KANK3: variants seen among roughly 807,000 people sequenced by gnomAD.
The protein encoded by KANK3 is KN motif and ankyrin repeat domains 3.
KANK3 carries 61 observed loss-of-function variants against 65.4 expected under a neutral mutation model. The observed-to-expected ratio is 0.93, with a 90% CI of 0.76 to 1.15. The LOEUF is 1.15. Ranked by LOEUF, KANK3 falls within the 50% of genes most tolerant of loss-of-function variation. The pLI is 0.00. For missense variants in KANK3, 1,187 were observed against 1,178.8 expected (o/e 1.01, Z -0.10); for synonymous variants, 586 against 543.3 (o/e 1.08, Z -1.09).
chr19:8,334,907 G>A lies in KANK3; in HGVS notation c.920C>T (p.Ala307Val). 6.9e-7 allele frequency: 1 copy of A among 1,459,768 alleles called. No individual in the cohort carries two copies. Among genetic ancestry groups the A allele is most frequent in the Middle Eastern group, 2.3e-4 (1 of 4,304 alleles). The allele number at this position is 1,459,768 out of a possible 1,614,324, so 90.4% of individuals were successfully genotyped here. ...TPQTREVAAEAVPETREAGAQ... is the reference protein window; with the variant it reads ...TPQTREVAAEVVPETREAGAQ... The stretch of plus-strand genomic sequence containing the variant: ...ACCCGCTTCTCGGGTCTCGGGCACG[G>A]CCTCGGCGGCCACCTCCCGGGTCTG... The change falls in exon 3 of 11, where the codon GCC becomes GTC. Residue 307 changes from alanine (A) to valine (V), a missense_variant. Transcript: ENST00000330915.
At position 8,333,856 on chromosome 19, in the gene KANK3, G is replaced by C. The variant is rs1424925714; in HGVS notation, c.1635-48C>G. On this transcript the variant is annotated intron_variant, in intron 5 of 10. Transcript: ENST00000330915. The surrounding 1 kb of genome is among the most constrained non-coding windows in gnomAD (Gnocchi z 5.0). ...CTCAGGATGGATCGGGGACAGCGCC[G>C]ACCAGGAGGAGGGCAGCCGCCTCCT... is the stretch of plus-strand genomic sequence containing the variant. The C allele has an allele frequency of 6.5e-7, 1 of 1,548,526 alleles. No homozygotes were observed. The highest frequency in any genetic ancestry group is 8.7e-7 in the Non-Finnish European group (1 of 1,147,034).
Position 8,334,077 on chromosome 19 carries a change from A to G in KANK3, c.1467T>C (p.Asp489=), listed in dbSNP as rs199822445. The G allele has an allele frequency of 1.3e-6, 1 of 759,138 alleles. No individual in the cohort carries two copies. Among genetic ancestry groups the G allele is most frequent in the Admixed American group, 5.8e-5 (1 of 17,138 alleles). The allele number at this position is 759,138 out of a possible 1,614,324, so 47.0% of individuals were successfully genotyped here. A position where few individuals can be genotyped will look rare whatever the true frequency, so the allele number is the denominator to read the frequency against. The change falls in exon 5 of 11, where the codon GAT becomes GAC. Residue 489 remains aspartate (D), a synonymous_variant. Coordinates refer to ENST00000330915, the MANE Select transcript of KANK3 (RefSeq NM_198471.3). ...SSSSEDASDS[D]GDSENGGAEP... is the part of the protein sequence containing the mutation. ...CGGCGCCACCGTTCTCGCTGTCGCC[A>G]TCGCTGTCGCTGGCGTCCTCGCTGG...
chr19:8,324,559 T>C lies in KANK3; in HGVS notation c.2284-12A>G. 6.2e-7 allele frequency: 1 copy of C among 1,613,434 alleles called. No individual in the cohort carries two copies. The highest frequency in any genetic ancestry group is 1.1e-5 in the South Asian group (1 of 91,074). Reference sequence around the variant, plus strand: ...GCACTGGTGCCCTCCTGTGGAACGTTAGGGACAGTCAGATCCCTGAGCCAA... The same window carrying C: ...GCACTGGTGCCCTCCTGTGGAACGTCAGGGACAGTCAGATCCCTGAGCCAA... On this transcript the variant is annotated splice_polypyrimidine_tract_variant and intron_variant, in intron 9 of 10. Transcript: ENST00000330915.
chr19:8,329,485 T>G (rs2145420828), intron 7 of KANK3, among the ~76,000 whole-genome samples: 1 of 84,894 alleles, frequency 1.2e-5, no homozygotes, highest in African/African-American at 5.2e-5. Flanking sequence ...AGAGCAAGAC[T>G]CGGCCTCAAA....
chr19:8,323,905 C>A (rs1015707624), intron 10 of KANK3, among the ~76,000 whole-genome samples: 6 of 152,146 alleles, frequency 3.9e-5, no homozygotes, highest in African/African-American at 1.4e-4. Context: ...CACCCAGTCT[C>A]CAGTTCTGAA....
intron 1 of KANK3, among the ~76,000 whole-genome samples, chr19:8,338,895 AAAAAG>A (rs543680992): frequency 1.5e-4 from 23 of 149,938 alleles, no homozygotes; most frequent in South Asian, 2.1e-4. Flanking sequence ...AAAAAAAAAA[AAAAAG>A]GATGTAATTG....
intron 7 of KANK3, among the ~76,000 whole-genome samples, chr19:8,327,130 G>A (rs943480356): frequency 1.3e-4 from 20 of 152,098 alleles, no homozygotes; most frequent in African/African-American, 4.8e-4. Flanking sequence ...GCGGGGTCGG[G>A]GTCATGAGAT....
intron 7 of KANK3, among the ~76,000 whole-genome samples, chr19:8,325,867 C>T (rs763744732): frequency 1.3e-5 from 2 of 151,610 alleles, no homozygotes; most frequent in Non-Finnish European, 2.9e-5. Context: ...CATTCTGTCG[C>T]CCAGGCTGGA....
At chr19:8,323,142 G>A (rs1970353367) in intron 10 of KANK3, 1 of 397,230 alleles carries the variant, frequency 2.5e-6, no homozygotes, top group Non-Finnish European at 4.5e-6. Context: ...TTTACAATGG[G>A]TTACATTCCG....
chr19:8,330,363 G>A lies in KANK3; in HGVS notation c.1936+2651C>T, dbSNP rs370369707. Among the ~76,000 whole-genome samples, 3 of 152,160 alleles carry A rather than the reference G, an allele frequency of 2.0e-5. No homozygotes were observed. In the South Asian group the frequency reaches 6.2e-4, roughly 32 times the overall value. ...TAATACCAGCACTTTAGGAGGCCTA[G>A]GCAGGAGGATCACTTGAGGTCAGGA... On this transcript the variant is annotated intron_variant, in intron 7 of 10. Coordinates refer to ENST00000330915, the MANE Select transcript of KANK3 (RefSeq NM_198471.3).
chr19:8,335,328 T>G lies in KANK3; in HGVS notation c.499A>C (p.Ser167Arg). 8.4e-7 allele frequency: 1 copy of G among 1,194,676 alleles called. No homozygotes were observed. The allele number at this position is 1,194,676 out of a possible 1,614,324, so 74.0% of individuals were successfully genotyped here. Reference protein sequence around the residue: ...VPRSPRGSGRSSPAPNLAPAS... With the variant: ...VPRSPRGSGRRSPAPNLAPAS... ...GGGGCAAGGTTAGGGGCGGGGCTGC[T>G]GCGGCCGGACCCGCGTGGGCTGCGC... Residue 167 changes from serine (S) to arginine (R), a missense_variant, in exon 3 of 11, where the codon AGC becomes CGC. Coordinates refer to ENST00000330915, the MANE Select transcript of KANK3 (RefSeq NM_198471.3).
At chr19:8,324,597 C>A in intron 9 of KANK3, 33 bp downstream of exon 9, 1 of 1,612,692 alleles carries the variant, frequency 6.2e-7, no homozygotes, top group Non-Finnish European at 8.5e-7. Context: ...CATGGGCACC[C>A]CCCAAGATGC....
At chr19:8,338,899 A>AG (rs35313774) in intron 1 of KANK3, among the ~76,000 whole-genome samples, 2 of 87,814 alleles carry the variant, frequency 2.3e-5, no homozygotes, top group African/African-American at 8.2e-5. Context: ...AAAAAAAAAA[A>AG]GGATGTAATT....
Position 8,335,593 on chromosome 19 carries a change from G to A in KANK3, c.234C>T (p.Pro78=). 5 of 1,228,022 alleles carry A rather than the reference G, an allele frequency of 4.1e-6. No homozygotes were observed. Among genetic ancestry groups the A allele is most frequent in the Non-Finnish European group, 5.1e-6 (5 of 980,272 alleles). The allele number at this position is 1,228,022 out of a possible 1,614,324, so 76.1% of individuals were successfully genotyped here. Residue 78 remains proline (P), a synonymous_variant, in exon 3 of 11, where the codon CCC becomes CCT. Coordinates refer to ENST00000330915, the MANE Select transcript of KANK3 (RefSeq NM_198471.3). Reference sequence around the variant, plus strand: ...CTGGGCTACGTGCGCCCGCGAGGCCGGGCCGGGGCGCGCGGGGACGGCGCG... The same window carrying A: ...CTGGGCTACGTGCGCCCGCGAGGCCAGGCCGGGGCGCGCGGGGACGGCGCG... ...PTSRRPRAPR[P]GLAGARSPGA...
chr19:8,338,788 T>A (rs1322327561), intron 1 of KANK3, among the ~76,000 whole-genome samples: 1 of 138,212 alleles, frequency 7.2e-6, no homozygotes, highest in Non-Finnish European at 1.5e-5. Flanking sequence ...GGCAGGAGAA[T>A]GGCGTGAACC....
Position 8,337,822 on chromosome 19 carries a change from T to C in KANK3, c.7A>G (p.Lys3Glu). MA[K>E]FALNQNLPDL... ...GGCAGGTTCTGATTCAGGGCAAACT[T>C]GGCCATGTTTCCTGCAGCAGCTGTC... The change falls in exon 2 of 11, where the codon AAG (lysine) becomes GAG (glutamate). Residue 3 changes from lysine to glutamate, a missense_variant. By Grantham distance (56) the Lys-to-Glu change is moderately conservative (BLOSUM62 1). Transcript: ENST00000330915. 6.2e-7 allele frequency: 1 copy of C among 1,613,530 alleles called. No individual in the cohort carries two copies. Among genetic ancestry groups the C allele is most frequent in the Non-Finnish European group, 8.5e-7 (1 of 1,179,974 alleles).
chr19:8,325,237 T>G, intron 7 of KANK3, 141 bp from the exon 8 acceptor site: 1 of 708,540 alleles, frequency 1.4e-6, no homozygotes, highest in South Asian at 2.0e-5. Flanking sequence ...ACCTGGTTCC[T>G]CCCTCACTAA....
At chr19:8,342,899 AG>A (rs1970738713) in intron 1 of KANK3, among the ~76,000 whole-genome samples, 1 of 151,912 alleles carries the variant, frequency 6.6e-6, no homozygotes, top group African/African-American at 2.4e-5. Flanking sequence ...GCCCAGCGCG[AG>A]GGGCTGGCTG....
In KANK3 at chr19:8,335,470, C is replaced by A; in HGVS notation, c.357G>T (p.Leu119=). 1 of 1,235,398 alleles carries A rather than the reference C, an allele frequency of 8.1e-7. No individual in the cohort carries two copies. The highest frequency in any genetic ancestry group is 1.0e-6 in the Non-Finnish European group (1 of 986,146). 76.5% of individuals were successfully genotyped at this position (1,235,398 alleles called of 1,614,324 possible). The stretch of plus-strand genomic sequence containing the variant: ...GGTTGCGCACGGGCGCGCGCGGCGA[C>A]AGCGGCTGCATCAGGAGCCCCGAGG... ...GAPSGLLMQP[L]SPRAPVRNPR... is the part of the protein sequence containing the mutation. Residue 119 remains leucine (L), a synonymous_variant, in exon 3 of 11, where the codon CTG becomes CTT. Coordinates refer to ENST00000330915, the MANE Select transcript of KANK3 (RefSeq NM_198471.3).
Sources: allele counts gnomAD v4.1 joint callset (sites outside exome capture counted in the v4.1 genomes callset), GRCh38; gene constraint gnomAD v4.1.1; non-coding constraint Gnocchi (gnomAD v3.1); transcripts MANE v1.5; gene names NCBI Gene and HGNC (gene_info 2026-07-23, HGNC 2026-07-21).